The following CDH12 variants were observed in gnomAD, a reference collection of about 807,000 sequenced individuals.
CDH12 encodes the protein cadherin-12.
Under a neutral mutation model 74.1 loss-of-function variants are expected in CDH12, and 41 were observed. That is an observed-to-expected ratio of 0.55 (90% CI 0.43 to 0.72). The LOEUF (loss-of-function observed/expected upper bound fraction) is 0.72. Ranked by LOEUF, CDH12 falls within the 30% of genes least tolerant of loss-of-function variation. CDH12 has a pLI of 0.00. For synonymous variants in CDH12, 399 were observed against 355.0 expected, an observed-to-expected ratio of 1.12 and a Z score of -1.39; for missense variants, 945 against 977.2, an observed-to-expected ratio of 0.97 and a Z score of 0.44.
chr5:22,776,844 T>G (rs1453188228), intron 1 of CDH12, among the ~76,000 whole-genome samples: 2 of 152,154 alleles, frequency 1.3e-5, no homozygotes, highest in African/African-American at 4.8e-5. Flanking sequence ...GAAGTAACAT[T>G]TGGACATAGT....
chr5:21,878,685 T>G lies in CDH12; in HGVS notation c.527-23895A>C, dbSNP rs1037571084. On this transcript the variant is annotated intron_variant, in intron 6 of 14. Coordinates refer to ENST00000382254, the MANE Select transcript of CDH12 (RefSeq NM_004061.5). ...GGAGAATGAGAAGCAAAGTTTGCAG[T>G]GCTGAGATCCTGCCACTGCACTCCA... Among the ~76,000 whole-genome samples the G allele has an allele frequency of 3.3e-5, 5 of 151,096 alleles. No individual in the cohort carries two copies. In the Admixed American group the frequency reaches 3.3e-4, roughly 10 times the overall value.
intron 1 of CDH12, among the ~76,000 whole-genome samples, chr5:22,513,100 T>C (rs1043814883): frequency 6.6e-6 from 1 of 152,144 alleles, no homozygotes; most frequent in Non-Finnish European, 1.5e-5. Flanking sequence ...AACACCATGT[T>C]ATAAAAGAAA....
At chr5:22,305,263 G>A (rs1308858416) in intron 3 of CDH12, among the ~76,000 whole-genome samples, 2 of 152,098 alleles carry the variant, frequency 1.3e-5, no homozygotes, top group Non-Finnish European at 2.9e-5. Flanking sequence ...AATACAGTAT[G>A]CTCCAACTGA....
intron 1 of CDH12, among the ~76,000 whole-genome samples, chr5:22,692,052 G>A (rs2126944775): frequency 6.6e-6 from 1 of 152,294 alleles, no homozygotes; most frequent in African/African-American, 2.4e-5. Flanking sequence ...GGTACTTGAT[G>A]TGAGGTGTTT....
chr5:22,123,055 T>C (rs1336189926), intron 4 of CDH12, among the ~76,000 whole-genome samples: 1 of 152,182 alleles, frequency 6.6e-6, no homozygotes, highest in African/African-American at 2.4e-5. Context: ...AATAAATCCA[T>C]ATGTGCTATA....
intron 2 of CDH12, among the ~76,000 whole-genome samples, chr5:22,433,899 G>C (rs1475526551): frequency 6.6e-6 from 1 of 152,126 alleles, no homozygotes; most frequent in Non-Finnish European, 1.5e-5. Context: ...CAGCATTTGA[G>C]AACCAAAAGG....
At chr5:22,532,797 G>A (rs1737653235) in intron 1 of CDH12, among the ~76,000 whole-genome samples, 1 of 151,892 alleles carries the variant, frequency 6.6e-6, no homozygotes, top group South Asian at 2.1e-4. Context: ...AGATCTTGCA[G>A]CATGTTTATA....
At chr5:22,394,097 A>AG (rs1462120625) in intron 3 of CDH12, among the ~76,000 whole-genome samples, 1 of 152,188 alleles carries the variant, frequency 6.6e-6, no homozygotes, top group African/African-American at 2.4e-5. Context: ...TACTACAATT[A>AG]GAAAATTCAC....
intron 6 of CDH12, among the ~76,000 whole-genome samples, chr5:21,920,370 G>A (rs1331950084): frequency 6.6e-6 from 1 of 152,110 alleles, no homozygotes; most frequent in Non-Finnish European, 1.5e-5. Context: ...AGCCTCAGAT[G>A]AATGTAAGTT....
intron 3 of CDH12, among the ~76,000 whole-genome samples, chr5:22,244,216 G>A (rs1408716828): frequency 2.0e-5 from 3 of 152,080 alleles, no homozygotes; most frequent in Non-Finnish European, 2.9e-5. Context: ...CAGGCCAGGT[G>A]CAGTGGCTCA....
chr5:22,217,522 G>C (rs1751849130), intron 3 of CDH12, among the ~76,000 whole-genome samples: 3 of 151,674 alleles, frequency 2.0e-5, no homozygotes, highest in Admixed American at 2.0e-4. Context: ...AGACATAATT[G>C]CTTTGCATTT....
chr5:22,735,881 T>C (rs1204257793), intron 1 of CDH12, among the ~76,000 whole-genome samples: 1 of 151,856 alleles, frequency 6.6e-6, no homozygotes, highest in Non-Finnish European at 1.5e-5. Flanking sequence ...TGGAGAAGTG[T>C]CTATACGAAA....
rs568116585 is a variant in CDH12 at position 22,247,495 on chromosome 5, T to G, written c.-332-34852A>C. On this transcript the variant is annotated intron_variant, in intron 3 of 14. Transcript: ENST00000382254. ...TTCGAGACCAGCCTAGGCAATATGG[T>G]AAAAAACCATCTCTACTAAAAATAC... is the stretch of plus-strand genomic sequence containing the variant. Among the ~76,000 whole-genome samples the G allele has an allele frequency of 2.0e-5, 3 of 151,854 alleles. No individual in the cohort carries two copies. The South Asian group carries it at 6.2e-4, about 32-fold the overall frequency.
chr5:21,850,476 G>A (rs1420104889), intron 7 of CDH12, among the ~76,000 whole-genome samples: 1 of 151,496 alleles, frequency 6.6e-6, no homozygotes, highest in East Asian at 1.9e-4. Context: ...CAAGTCATAA[G>A]CCTAAGTATG....
In CDH12 at chr5:22,577,722, C is replaced by T. The variant is rs184605725; in HGVS notation, c.-522-72358G>A. On this transcript the variant is annotated intron_variant, in intron 1 of 14. Coordinates refer to ENST00000382254, the MANE Select transcript of CDH12 (RefSeq NM_004061.5). Reference sequence around the variant, plus strand: ...ACAGTTAAAAACTATGTCCAGATAACGGGAAACATACTGGATTACTGTTAT... The same window carrying T: ...ACAGTTAAAAACTATGTCCAGATAATGGGAAACATACTGGATTACTGTTAT... Among the ~76,000 whole-genome samples the T allele has an allele frequency of 7.0e-4, 107 of 152,288 alleles. 1 individual carries two copies. The highest frequency in any genetic ancestry group is 1.6e-3 in the Admixed American group (24 of 15,290).
At chr5:22,412,927 A>G (rs932021163) in intron 2 of CDH12, among the ~76,000 whole-genome samples, 1 of 151,978 alleles carries the variant, frequency 6.6e-6, no homozygotes, top group African/African-American at 2.4e-5. Flanking sequence ...AAAATATTAA[A>G]ATAGTTGATG....
At chr5:22,366,090 C>T (rs1294813901) in intron 3 of CDH12, among the ~76,000 whole-genome samples, 1 of 152,068 alleles carries the variant, frequency 6.6e-6, no homozygotes, top group Non-Finnish European at 1.5e-5. Flanking sequence ...TCCTGAGTAG[C>T]TGGTATTACA....
chr5:22,158,689 C>T (rs1748165094), intron 4 of CDH12, among the ~76,000 whole-genome samples: 1 of 152,066 alleles, frequency 6.6e-6, no homozygotes, highest in African/African-American at 2.4e-5. Flanking sequence ...ACTTTTATAT[C>T]ATTATGACAG....
chr5:22,631,613 G>A (rs552502636), intron 1 of CDH12, among the ~76,000 whole-genome samples: 22 of 152,108 alleles, frequency 1.4e-4, no homozygotes, highest in African/African-American at 4.3e-4. Context: ...ATGTATTAGC[G>A]CATTCTCACA....
Sources: gnomAD v4.1 joint callset for allele counts (sites outside exome capture counted in the v4.1 genomes callset) on GRCh38, gnomAD v4.1.1 for gene constraint, MANE v1.5 for transcripts, NCBI Gene and HGNC (gene_info 2026-07-23, HGNC 2026-07-21) for gene names.